PTPRN2: variants seen among roughly 807,000 people sequenced by gnomAD.
PTPRN2 encodes protein tyrosine phosphatase receptor type N2.
Under a neutral mutation model 118.8 loss-of-function variants are expected in PTPRN2, and 74 were observed. The observed-to-expected ratio is 0.62, with a 90% CI of 0.52 to 0.76. PTPRN2 has a LOEUF of 0.76. PTPRN2 is among the 30% of genes least tolerant of loss of function. PTPRN2 has a pLI of 0.00. For missense variants in PTPRN2, 1,481 were observed against 1,394.4 expected (o/e 1.06, Z -0.99); for synonymous variants, 641 against 608.0 (o/e 1.05, Z -0.80).
At chr7:158,560,183 G>A (rs1178284536) in intron 1 of PTPRN2, among the ~76,000 whole-genome samples, 5 of 152,228 alleles carry the variant, frequency 3.3e-5, no homozygotes, top group Non-Finnish European at 7.3e-5. Context: ...TCCACCGTGT[G>A]GATGGATGGA....
intron 12 of PTPRN2, among the ~76,000 whole-genome samples, chr7:157,767,657 G>A (rs982882097): frequency 2.6e-5 from 4 of 152,226 alleles, no homozygotes; most frequent in African/African-American, 7.2e-5. Context: ...GGTCACAGGC[G>A]AACACTGTTC....
intron 15 of PTPRN2, among the ~76,000 whole-genome samples, chr7:157,607,635 G>C (rs530209525): frequency 1.3e-5 from 2 of 152,360 alleles, no homozygotes; most frequent in Admixed American, 1.3e-4. Flanking sequence ...GGAGGCATCA[G>C]GGCAGCGTGC....
chr7:158,167,134 C>A lies in PTPRN2; in HGVS notation c.707G>T (p.Gly236Val), dbSNP rs1400261926. The A allele has an allele frequency of 1.2e-6, 2 of 1,613,904 alleles. No homozygotes were observed. The highest frequency in any genetic ancestry group is 1.7e-5 in the Admixed American group (1 of 59,994). Residue 236 changes from glycine to valine, a missense_variant, in exon 6 of 23, where the codon GGT (glycine) becomes GTT (valine). Around this residue, in one of 3 missense-constraint regions of PTPRN2, gnomAD observed 1,115 missense variants for 994.2 expected, o/e 1.12. Transcript: ENST00000389418. ...PDELSPKVDSGVDRHHLMAAL... is the reference protein window; with the variant it reads ...PDELSPKVDSVVDRHHLMAAL... ...CGCCATCAGATGGTGTCTGTCCACA[C>A]CACTGTCCACCTTAGGGCTGAGCTC...
intron 4 of PTPRN2, among the ~76,000 whole-genome samples, chr7:158,204,639 G>A (rs544177867): frequency 1.3e-4 from 20 of 152,094 alleles, no homozygotes; most frequent in African/African-American, 4.6e-4. Context: ...ACCTCCCTAT[G>A]ACTCAATTTC....
In PTPRN2 at chr7:158,403,708, C is replaced by T. The variant is rs186587920; in HGVS notation, c.163+86027G>A. On this transcript the variant is annotated intron_variant, in intron 2 of 22. Transcript: ENST00000389418. ...TGCCTGGGGTCTGAGGATCGCACAC[C>T]AAGACCCACTCGGGGAGGGGTCCTG... Among the ~76,000 whole-genome samples the T allele has an allele frequency of 5.4e-3, 822 of 152,288 alleles. 7 individuals are homozygous for T. The highest frequency in any genetic ancestry group is 0.018 in the African/African-American group (761 of 41,566).
At chr7:157,911,934 G>GT (rs546680284) in intron 11 of PTPRN2, among the ~76,000 whole-genome samples, 57 of 152,260 alleles carry the variant, frequency 3.7e-4, no homozygotes, top group South Asian at 3.5e-3. Flanking sequence ...TCATTGCTGT[G>GT]TGACTGCATT....
At chr7:158,263,071 ACAT>A (rs936000261) in intron 3 of PTPRN2, among the ~76,000 whole-genome samples, 9 of 146,668 alleles carry the variant, frequency 6.1e-5, no homozygotes, top group Admixed American at 1.4e-4. Flanking sequence ...TTGCACACAC[ACAT>A]CACACACACC....
At chr7:158,260,656 C>A (rs1458731857) in intron 3 of PTPRN2, among the ~76,000 whole-genome samples, 1 of 152,206 alleles carries the variant, frequency 6.6e-6, no homozygotes, top group Non-Finnish European at 1.5e-5. Context: ...CCACATAACA[C>A]ACCCACACAC....
chr7:158,440,450 GTAA>G (rs1372901974), intron 2 of PTPRN2, among the ~76,000 whole-genome samples: 3 of 151,560 alleles, frequency 2.0e-5, no homozygotes, highest in African/African-American at 7.3e-5. Context: ...GATGATGGTG[GTAA>G]TGGTAGTAGC....
At chr7:158,515,751 G>C (rs1453060480) in intron 1 of PTPRN2, among the ~76,000 whole-genome samples, 1 of 151,800 alleles carries the variant, frequency 6.6e-6, no homozygotes, top group African/African-American at 2.4e-5. Flanking sequence ...CCTTTCCTTG[G>C]CTTGTTTTCA....
chr7:158,334,786 A>G (rs1805268676), intron 2 of PTPRN2, among the ~76,000 whole-genome samples: 1 of 51,918 alleles, frequency 1.9e-5, no homozygotes, highest in South Asian at 1.1e-3. Context: ...CTCTCACCAT[A>G]GAGCTGACGC....
chr7:157,597,301 C>T (rs905640537), intron 16 of PTPRN2, among the ~76,000 whole-genome samples: 3 of 152,118 alleles, frequency 2.0e-5, no homozygotes, highest in African/African-American at 4.8e-5. Context: ...ATTATGTTAC[C>T]GTCGCTGAAA....
At chr7:157,680,510 G>A (rs1248666254) in intron 13 of PTPRN2, among the ~76,000 whole-genome samples, 2 of 152,080 alleles carry the variant, frequency 1.3e-5, no homozygotes, top group Non-Finnish European at 2.9e-5. Context: ...CCTTGTAACC[G>A]CAATTGTCTG....
At chr7:158,484,681 T>A (rs1405613205) in intron 2 of PTPRN2, among the ~76,000 whole-genome samples, 4 of 152,148 alleles carry the variant, frequency 2.6e-5, no homozygotes, top group Non-Finnish European at 5.9e-5. Context: ...TTTGTATAAA[T>A]GAAATCATGT....
intron 12 of PTPRN2, among the ~76,000 whole-genome samples, chr7:157,822,124 C>T (rs1007286659): frequency 2.0e-5 from 3 of 151,966 alleles, no homozygotes; most frequent in African/African-American, 7.3e-5. Flanking sequence ...ATCCACTATC[C>T]ATTGTGCATT....
In PTPRN2 at chr7:158,555,817, T is replaced by C. The variant is rs1365277838; in HGVS notation, c.112+31741A>G. On this transcript the variant is annotated intron_variant, in intron 1 of 22. Transcript: ENST00000389418. This position sits in a 1 kb window ranked among gnomAD's most constrained non-coding sequence, Gnocchi z 4.7. ...ACCACAGAGACAGGCTCCAGCAAGC[T>C]CAGGATGATGAAGACACATCCTATC... Among the ~76,000 whole-genome samples, 6 of 150,154 alleles carry C rather than the reference T, an allele frequency of 4.0e-5. No individual in the cohort carries two copies. The highest frequency in any genetic ancestry group is 8.9e-5 in the Non-Finnish European group (6 of 67,620).
At chr7:158,435,469 A>G (rs1456847888) in intron 2 of PTPRN2, among the ~76,000 whole-genome samples, 3 of 152,224 alleles carry the variant, frequency 2.0e-5, no homozygotes, top group Non-Finnish European at 4.4e-5. Context: ...TGAAGACTGT[A>G]TACTGTTGTG....
chr7:158,428,206 ACT>A (rs767092829), intron 2 of PTPRN2, among the ~76,000 whole-genome samples: 2 of 152,210 alleles, frequency 1.3e-5, no homozygotes, highest in African/African-American at 2.4e-5. Context: ...GAGCTGGGGC[ACT>A]CTCTCATCCC....
intron 6 of PTPRN2, among the ~76,000 whole-genome samples, chr7:158,149,589 G>A (rs779288005): frequency 4.6e-5 from 7 of 152,196 alleles, no homozygotes; most frequent in East Asian, 1.9e-4. Context: ...GATCACCTGA[G>A]GTCAGGAGTT....
Sources: allele counts gnomAD v4.1 joint callset (sites outside exome capture counted in the v4.1 genomes callset), GRCh38; gene constraint gnomAD v4.1.1; regional missense constraint gnomAD v4.1.1; non-coding constraint Gnocchi (gnomAD v3.1); transcripts MANE v1.5; gene names NCBI Gene and HGNC (gene_info 2026-07-23, HGNC 2026-07-21).